Variants in SLC7A5 observed in about 807,000 individuals in gnomAD.
The protein encoded by SLC7A5 is solute carrier family 7 member 5.
Under a neutral mutation model 50.2 loss-of-function variants are expected in SLC7A5, and 23 were observed. The ratio of observed to expected loss-of-function variants is 0.46; its 90% CI spans 0.33 to 0.65. The LOEUF (loss-of-function observed/expected upper bound fraction) is 0.65, where lower values mean the gene tolerates loss of function less well. Among genes scored for constraint, SLC7A5 ranks in the 30% least tolerant of loss-of-function variants. The pLI is 0.02. For missense variants in SLC7A5, 578 were observed against 684.4 expected, an observed-to-expected ratio of 0.84 and a Z score of 1.73; for synonymous variants, 393 against 330.6, an observed-to-expected ratio of 1.19 and a Z score of -2.05.
At position 87,860,340 on chromosome 16, in the gene SLC7A5, A is replaced by G. The variant is rs2055377303; in HGVS notation, c.539-8491T>C. Among the ~76,000 whole-genome samples the G allele has an allele frequency of 1.3e-4, 7 of 52,190 alleles. 1 individual carries two copies. The highest frequency in any genetic ancestry group is 1.1e-3 in the Admixed American group (5 of 4,706). 34.2% of individuals were successfully genotyped at this position (52,190 alleles called of 152,430 possible). ...AAAAGCATCTCAAAAAAAAAAAAAA[A>G]TACACACACACACACACACACACAC... On this transcript the variant is annotated intron_variant, in intron 1 of 9. Transcript: ENST00000261622. The surrounding 1 kb of genome is among the most constrained non-coding windows in gnomAD (Gnocchi z 4.8).
rs554856966 is a variant in SLC7A5, at chr16:87,837,058, C to T, written c.1141-411G>A. ...CAGTTTCTGTAACCCCCGGCACAGC[C>T]GTGCTCCCGAGGACCGTGCAGCTGC... On this transcript the variant is annotated intron_variant, in intron 7 of 9. Coordinates refer to ENST00000261622, the MANE Select transcript of SLC7A5 (RefSeq NM_003486.7). 7.9e-5 allele frequency among the ~76,000 whole-genome samples: 12 copies of T among 152,372 alleles called. 1 individual carries two copies. The highest frequency in any genetic ancestry group is 3.9e-4 in the Admixed American group (6 of 15,312).
At position 87,860,339 on chromosome 16, in the gene SLC7A5, A is replaced by T. The variant is rs7188938; in HGVS notation, c.539-8490T>A. Among the ~76,000 whole-genome samples the T allele has an allele frequency of 0.096, 10,389 of 108,008 alleles. 827 individuals carry two copies. The highest frequency in any genetic ancestry group is 0.21 in the African/African-American group (5,264 of 25,594). The allele number at this position is 108,008 out of a possible 152,430, so 70.9% of individuals were successfully genotyped here. Reference sequence around the variant, plus strand: ...CAAAAGCATCTCAAAAAAAAAAAAAAATACACACACACACACACACACACA... The same window carrying T: ...CAAAAGCATCTCAAAAAAAAAAAAATATACACACACACACACACACACACA... On this transcript the variant is annotated intron_variant, in intron 1 of 9. Coordinates refer to ENST00000261622, the MANE Select transcript of SLC7A5 (RefSeq NM_003486.7). The surrounding 1 kb of genome is among the most constrained non-coding windows in gnomAD (Gnocchi z 4.8).
intron 5 of SLC7A5, 31 bp downstream of exon 5, chr16:87,839,671 C>G (rs1179726790): frequency 6.2e-7 from 1 of 1,612,420 alleles, no homozygotes; most frequent in Admixed American, 1.7e-5. Context: ...CCTCTCAGGC[C>G]CCTGGTGGAA....
At position 87,838,793 on chromosome 16, in the gene SLC7A5, C is replaced by T. The variant is rs771638454; in HGVS notation, c.964G>A (p.Val322Ile). The T allele has an allele frequency of 7.3e-5, 118 of 1,613,884 alleles. No homozygotes were observed. Among genetic ancestry groups the T allele is most frequent in the Middle Eastern group, 6.6e-4 (4 of 6,084 alleles). Reference sequence around the variant, plus strand: ...AAGACGGGGATGATCCAGGACATGACGCCCAGGTGATAGTTCCCGAAGTCC... The same window carrying T: ...AAGACGGGGATGATCCAGGACATGATGCCCAGGTGATAGTTCCCGAAGTCC... Reference protein sequence around the residue: ...AVDFGNYHLGVMSWIIPVFVG... With the variant: ...AVDFGNYHLGIMSWIIPVFVG... Residue 322 changes from valine (V) to isoleucine (I), a missense_variant, in exon 6 of 10, where the codon GTC (valine) becomes ATC (isoleucine). Physicochemically the swap from Val to Ile is conservative, Grantham distance 29. Coordinates refer to ENST00000261622, the MANE Select transcript of SLC7A5 (RefSeq NM_003486.7).
At chr16:87,834,189 G>A (rs935160642) in intron 9 of SLC7A5, among the ~76,000 whole-genome samples, 22 of 152,208 alleles carry the variant, frequency 1.4e-4, no homozygotes, top group African/African-American at 4.3e-4. Context: ...GCAGTAGCCT[G>A]GTTTTCCGGA....
At position 87,833,836 on chromosome 16, in the gene SLC7A5, G is replaced by A. The variant is rs1359373192; in HGVS notation, c.1468+578C>T. On this transcript the variant is annotated intron_variant, in intron 9 of 9. Coordinates refer to ENST00000261622, the MANE Select transcript of SLC7A5 (RefSeq NM_003486.7). This position sits in a 1 kb window ranked among gnomAD's most constrained non-coding sequence, Gnocchi z 6.0. Reference sequence around the variant, plus strand: ...GGGCTGCCGCTGCACACAGGGCCGGGGGGCGGGTTTCTCCTTCTGCCTTTT... The same window carrying A: ...GGGCTGCCGCTGCACACAGGGCCGGAGGGCGGGTTTCTCCTTCTGCCTTTT... Among the ~76,000 whole-genome samples the A allele has an allele frequency of 6.7e-6, 1 of 150,318 alleles. No homozygotes were observed. The highest frequency in any genetic ancestry group is 1.5e-5 in the Non-Finnish European group (1 of 67,846).
intron 2 of SLC7A5, 29 bp downstream of exon 2, chr16:87,851,695 C>T (rs762543708): frequency 6.9e-6 from 11 of 1,603,798 alleles, no homozygotes; most frequent in Admixed American, 6.7e-5. Flanking sequence ...CTCGAGGGGC[C>T]GCCGGTGGGG....
intron 1 of SLC7A5, among the ~76,000 whole-genome samples, chr16:87,856,061 G>A (rs947710192): frequency 1.3e-5 from 2 of 152,152 alleles, no homozygotes. Context: ...TGATCCTCCC[G>A]GGCCCCTTCG....
At chr16:87,855,603 C>T (rs528299986) in intron 1 of SLC7A5, among the ~76,000 whole-genome samples, 3 of 152,176 alleles carry the variant, frequency 2.0e-5, no homozygotes, top group East Asian at 1.9e-4. Context: ...CTGCGGCAGC[C>T]GGCTCTGCTC....
At position 87,851,704 on chromosome 16, in the gene SLC7A5, G is replaced by C; in HGVS notation, c.664+20C>G. ...CAAAGCCTCGAGGGGCCGCCGGTGG[G>C]GCCTGGGGGACGTACTCACCCTTCC... On this transcript the variant is annotated intron_variant, in intron 2 of 9. Transcript: ENST00000261622. The C allele has an allele frequency of 1.2e-6, 2 of 1,607,426 alleles. No homozygotes were observed. The highest frequency in any genetic ancestry group is 1.7e-6 in the Non-Finnish European group (2 of 1,175,482).
intron 2 of SLC7A5, among the ~76,000 whole-genome samples, chr16:87,847,593 CAT>C (rs1202235120): frequency 1.3e-5 from 2 of 152,176 alleles, no homozygotes; most frequent in African/African-American, 4.8e-5. Context: ...TCCCGTAACA[CAT>C]GACACCCCAC....
At chr16:87,845,657 G>A (rs542552364) in intron 2 of SLC7A5, among the ~76,000 whole-genome samples, 2 of 152,340 alleles carry the variant, frequency 1.3e-5, no homozygotes, top group Admixed American at 1.3e-4. Context: ...GGGTTCTGGC[G>A]GCAACCAGAT....
intron 1 of SLC7A5, among the ~76,000 whole-genome samples, 177 bp downstream of exon 1, chr16:87,868,708 A>AGAAT (rs2055494267): frequency 6.6e-6 from 1 of 152,234 alleles, no homozygotes; most frequent in African/African-American, 2.4e-5. Context: ...GAAGTGTAAA[A>AGAAT]GAATGAATGA....
chr16:87,847,022 C>T lies in SLC7A5; in HGVS notation c.664+4702G>A, dbSNP rs937315208. 5.3e-5 allele frequency among the ~76,000 whole-genome samples: 8 copies of T among 152,164 alleles called. No homozygotes were observed. In the East Asian group the frequency reaches 7.7e-4, roughly 15 times the overall value. The stretch of plus-strand genomic sequence containing the variant: ...CTAGCACCTGCCCTTGCCCTCTCTC[C>T]GGGAGGGCACCCTAGAAGCCCACAG... On this transcript the variant is annotated intron_variant, in intron 2 of 9. Transcript: ENST00000261622.
chr16:87,867,785 C>G (rs988908282), intron 1 of SLC7A5, among the ~76,000 whole-genome samples: 1 of 152,162 alleles, frequency 6.6e-6, no homozygotes, highest in African/African-American at 2.4e-5. Flanking sequence ...CATGTGGCAT[C>G]TGCTACAAGT....
intron 4 of SLC7A5, 36 bp downstream of exon 4, chr16:87,840,393 A>G: frequency 1.9e-6 from 3 of 1,577,450 alleles, no homozygotes; most frequent in Non-Finnish European, 2.6e-6. Flanking sequence ...CATTAAAATA[A>G]TGAAAAAAGA....
rs1243663971 is a variant in SLC7A5, at chr16:87,858,807, ACT to A, written c.539-6960_539-6959del. Among the ~76,000 whole-genome samples, 4 of 152,258 alleles carry A rather than the reference ACT, an allele frequency of 2.6e-5. No homozygotes were observed. In the East Asian group the frequency reaches 5.8e-4, roughly 22 times the overall value. ...ACCACACAATGAACTCGTTGAACAGACTCTGCGCTCAGGCTTAACCAGTGCAC... is the reference window on the plus strand; with the variant it reads ...ACCACACAATGAACTCGTTGAACAGACTGCGCTCAGGCTTAACCAGTGCAC... On this transcript the variant is annotated intron_variant, in intron 1 of 9. Transcript: ENST00000261622.
At chr16:87,863,442 G>A (rs926470357) in intron 1 of SLC7A5, 3 of 152,182 alleles carry the variant, frequency 2.0e-5, no homozygotes, top group Non-Finnish European at 2.9e-5. Context: ...TCCAGCCTTT[G>A]CGCCTTCTGA....
At position 87,830,985 on chromosome 16, in the gene SLC7A5, C is replaced by A. The variant is rs562062934; in HGVS notation, c.*1985G>T. On this transcript the variant is annotated 3_prime_UTR_variant, in exon 10 of 10. Coordinates refer to ENST00000261622, the MANE Select transcript of SLC7A5 (RefSeq NM_003486.7). ...CCGGCCCCAGTGGGAAGCAGTGGTG[C>A]GTGCCTCCAGGGAGCACTTCTCCTG... 6.6e-6 allele frequency: 1 copy of A among 152,272 alleles called. No homozygotes were observed. The highest frequency in any genetic ancestry group is 2.4e-5 in the African/African-American group (1 of 41,466). The allele number at this position is 152,272 out of a possible 1,614,324, so 9.4% of individuals were successfully genotyped here. A position where few individuals can be genotyped will look rare whatever the true frequency, so the allele number is the denominator to read the frequency against.
Sources: gnomAD v4.1 joint callset for allele counts (sites outside exome capture counted in the v4.1 genomes callset) on GRCh38, gnomAD v4.1.1 for gene constraint, Gnocchi (gnomAD v3.1) non-coding constraint, MANE v1.5 for transcripts, NCBI Gene and HGNC (gene_info 2026-07-23, HGNC 2026-07-21) for gene names.